Variants in JAZF1 observed in about 807,000 individuals in gnomAD.
JAZF1 encodes the protein JAZF zinc finger 1, also known as juxtaposed with another zinc finger protein 1.
In JAZF1, 8 loss-of-function variants were observed where a neutral mutation model predicts 26.4. That is an observed-to-expected ratio of 0.30 (90% CI 0.18 to 0.55). The LOEUF (loss-of-function observed/expected upper bound fraction) is 0.55, where lower values mean the gene tolerates loss of function less well. Among genes scored for constraint, JAZF1 ranks in the 20% least tolerant of loss-of-function variants. The pLI is 0.94. For missense variants in JAZF1, 199 were observed against 322.0 expected (o/e 0.62, Z 2.92); for synonymous variants, 126 against 122.3 (o/e 1.03, Z -0.20).
At chr7:28,057,987 G>A (rs1002288869) in intron 1 of JAZF1, among the ~76,000 whole-genome samples, 2 of 152,148 alleles carry the variant, frequency 1.3e-5, no homozygotes, top group African/African-American at 2.4e-5. Flanking sequence ...TTTCTGAGGG[G>A]TTTTTAGGTG....
chr7:27,934,189 GATACTCATTGGATAATGTCTTCA>G (rs1784729247), intron 2 of JAZF1, among the ~76,000 whole-genome samples: 1 of 152,134 alleles, frequency 6.6e-6, no homozygotes, highest in African/African-American at 2.4e-5. Flanking sequence ...GTTGGAGAAG[GATACTCATTGGATAATGTCTTCA>G]AGAATTTCAA....
chr7:28,054,562 C>A (rs1464648953), intron 1 of JAZF1, among the ~76,000 whole-genome samples: 1 of 152,046 alleles, frequency 6.6e-6, no homozygotes, highest in Admixed American at 6.6e-5. Flanking sequence ...GACAGGATCT[C>A]TATTTGCAGT....
At chr7:27,986,721 T>C (rs1033111708) in intron 2 of JAZF1, among the ~76,000 whole-genome samples, 4 of 148,426 alleles carry the variant, frequency 2.7e-5, no homozygotes, top group African/African-American at 9.9e-5. Context: ...GGCTGGACTG[T>C]ACTGCTGCCA....
intron 2 of JAZF1, among the ~76,000 whole-genome samples, chr7:27,989,347 C>A (rs543369714): frequency 2.6e-5 from 4 of 152,270 alleles, no homozygotes; most frequent in African/African-American, 9.6e-5. Context: ...TAGAAAGAAA[C>A]CTAGGCAATA....
chr7:27,834,656 G>A (rs2128329939), intron 4 of JAZF1, among the ~76,000 whole-genome samples: 2 of 152,316 alleles, frequency 1.3e-5, no homozygotes, highest in South Asian at 4.1e-4. Flanking sequence ...ATGTTAGATG[G>A]GTAGATATGC....
intron 2 of JAZF1, among the ~76,000 whole-genome samples, chr7:27,903,845 A>T (rs62451119): frequency 0.077 from 11,782 of 152,296 alleles, 504 homozygotes; most frequent in African/African-American, 0.11. Flanking sequence ...TCTGTAGAAC[A>T]TCACATCCAA....
chr7:28,034,469 T>TACACACACACACACACAC (rs59979673), intron 1 of JAZF1, among the ~76,000 whole-genome samples: 41 of 145,396 alleles, frequency 2.8e-4, no homozygotes, highest in Admixed American at 4.1e-4. Context: ...AGAAAACTAA[T>TACACACACACACACACAC]ACACACACAC....
intron 1 of JAZF1, among the ~76,000 whole-genome samples, chr7:28,152,080 G>A (rs1414365191): frequency 1.3e-5 from 2 of 152,094 alleles, no homozygotes; most frequent in African/African-American, 2.4e-5. Context: ...TGAGAGTTTC[G>A]ATTTGACTTA....
At chr7:27,932,834 C>T (rs1784705653) in intron 2 of JAZF1, among the ~76,000 whole-genome samples, 2 of 152,164 alleles carry the variant, frequency 1.3e-5, no homozygotes, top group South Asian at 2.1e-4. Context: ...AACAATGATT[C>T]TTTTCTTCTA....
chr7:27,909,920 GGGAAAA>G (rs2128344976), intron 2 of JAZF1, among the ~76,000 whole-genome samples: 1 of 152,266 alleles, frequency 6.6e-6, no homozygotes, highest in South Asian at 2.1e-4. Context: ...AGAGAACAAA[GGGAAAA>G]GGAAATTTTT....
intron 2 of JAZF1, among the ~76,000 whole-genome samples, chr7:27,961,437 G>C (rs1785183397): frequency 6.6e-6 from 1 of 152,192 alleles, no homozygotes; most frequent in Admixed American, 6.5e-5. Context: ...CTGGTGTGTG[G>C]GTGAGTGGCA....
At chr7:28,152,359 G>A (rs1052123644) in intron 1 of JAZF1, among the ~76,000 whole-genome samples, 27 of 152,292 alleles carry the variant, frequency 1.8e-4, no homozygotes, top group African/African-American at 6.5e-4. Context: ...CAAAAGGCTT[G>A]ACTTACTACT....
chr7:27,838,008 CTT>C (rs34890301), intron 4 of JAZF1, among the ~76,000 whole-genome samples: 4 of 143,588 alleles, frequency 2.8e-5, no homozygotes, highest in Admixed American at 2.8e-4. Context: ...CTTTGTCTGC[CTT>C]TTTTTTTTTT....
intron 1 of JAZF1, among the ~76,000 whole-genome samples, chr7:28,116,502 T>C (rs1784744536): frequency 6.6e-6 from 1 of 152,128 alleles, no homozygotes; most frequent in Non-Finnish European, 1.5e-5. Context: ...TGGAGTGCAA[T>C]GGTGCGATCT....
intron 3 of JAZF1, among the ~76,000 whole-genome samples, chr7:27,892,829 A>T (rs548414946): frequency 2.6e-5 from 4 of 152,356 alleles, no homozygotes; most frequent in African/African-American, 9.6e-5. Context: ...CCTAAAATAC[A>T]AAGTTGAAAA....
Position 27,830,746 on chromosome 7 carries a change from GCA to G in JAZF1, c.*2052_*2053del, listed in dbSNP as rs1165910143. On this transcript the variant is annotated 3_prime_UTR_variant, in exon 5 of 5. Coordinates refer to ENST00000283928, the MANE Select transcript of JAZF1 (RefSeq NM_175061.4). ...AAAACATATGAAAATATAATTTAAA[GCA>G]CAGTTTTCACAGACACAGTACAATA... 2.0e-5 allele frequency: 4 copies of G among 197,960 alleles called. No homozygotes were observed. The highest frequency in any genetic ancestry group is 4.6e-5 in the African/African-American group (2 of 43,340). 12.3% of individuals were successfully genotyped at this position (197,960 alleles called of 1,614,324 possible). A position where few individuals can be genotyped will look rare whatever the true frequency, so the allele number is the denominator to read the frequency against.
chr7:28,106,509 C>T (rs1216376506), intron 1 of JAZF1, among the ~76,000 whole-genome samples: 1 of 152,116 alleles, frequency 6.6e-6, no homozygotes, highest in Admixed American at 6.6e-5. Flanking sequence ...TCATTATACA[C>T]CCAAGCCTTC....
chr7:27,890,574 A>C (rs1783955070), intron 3 of JAZF1, among the ~76,000 whole-genome samples: 1 of 152,232 alleles, frequency 6.6e-6, no homozygotes, highest in South Asian at 2.1e-4. Flanking sequence ...GAAAGAGCTT[A>C]TTCTTTGAAT....
chr7:28,025,659 C>T (rs4722751), intron 1 of JAZF1, among the ~76,000 whole-genome samples: 103,454 of 152,098 alleles, frequency 0.68, 39,343 homozygotes, highest in Non-Finnish European at 0.88. Flanking sequence ...GTTTAAAATC[C>T]GACTTTGAAA....
Sources: gnomAD v4.1 joint callset for allele counts (sites outside exome capture counted in the v4.1 genomes callset) on GRCh38, gnomAD v4.1.1 for gene constraint, MANE v1.5 for transcripts, NCBI Gene and HGNC (gene_info 2026-07-23, HGNC 2026-07-21) for gene names.